The following NRG1 variants were observed in gnomAD, a reference collection of about 807,000 sequenced individuals.
The protein encoded by NRG1 is pro-neuregulin-1, membrane-bound isoform.
Under a neutral mutation model 63.8 loss-of-function variants are expected in NRG1, and 18 were observed. That is an observed-to-expected ratio of 0.28 (90% CI 0.19 to 0.42). The LOEUF (loss-of-function observed/expected upper bound fraction) is 0.42, where lower values mean the gene tolerates loss of function less well. NRG1 is among the 10% of genes least tolerant of loss of function. NRG1 has a pLI of 1.00. For missense variants in NRG1, 762 were observed against 814.7 expected, an observed-to-expected ratio of 0.94 and a Z score of 0.79; for synonymous variants, 302 against 301.3, an observed-to-expected ratio of 1.00 and a Z score of -0.02.
At chr8:32,520,640 G>A (rs1436927085) in intron 1 of NRG1, among the ~76,000 whole-genome samples, 5 of 152,202 alleles carry the variant, frequency 3.3e-5, no homozygotes, top group African/African-American at 1.2e-4. Context: ...AGTATATAGT[G>A]AAGTTTTCAG....
At chr8:31,992,738 A>G (rs1229370589) in intron 1 of NRG1, among the ~76,000 whole-genome samples, 1 of 152,022 alleles carries the variant, frequency 6.6e-6, no homozygotes, top group East Asian at 1.9e-4. Flanking sequence ...ATTGTGTAGG[A>G]CAGTATATTT....
intron 1 of NRG1, among the ~76,000 whole-genome samples, chr8:32,315,947 AGTGGAGT>A (rs1462029527): frequency 6.9e-6 from 1 of 144,228 alleles, no homozygotes; most frequent in African/African-American, 2.9e-5. Context: ...TTTGCTAGGC[AGTGGAGT>A]ACATAGAAAG....
At chr8:32,339,662 T>G (rs542487792) in intron 1 of NRG1, among the ~76,000 whole-genome samples, 1 of 152,290 alleles carries the variant, frequency 6.6e-6, no homozygotes, top group African/African-American at 2.4e-5. Context: ...TACAACCAAT[T>G]TATGAAATGG....
chr8:32,116,971 CAAAAAAAAAA>C (rs756283492), intron 1 of NRG1, among the ~76,000 whole-genome samples: 1 of 31,548 alleles, frequency 3.2e-5, no homozygotes, highest in African/African-American at 8.6e-5. Flanking sequence ...CCTGTCTCTA[CAAAAAAAAAA>C]AAAAAAAAAA....
At chr8:31,861,172 A>G (rs1417074168) in intron 1 of NRG1, among the ~76,000 whole-genome samples, 1 of 152,178 alleles carries the variant, frequency 6.6e-6, no homozygotes, top group Non-Finnish European at 1.5e-5. Flanking sequence ...TGCTACCGAA[A>G]AAACACTGAA....
At chr8:32,351,542 A>G (rs1289550313) in intron 1 of NRG1, among the ~76,000 whole-genome samples, 1 of 152,104 alleles carries the variant, frequency 6.6e-6, no homozygotes, top group Non-Finnish European at 1.5e-5. Context: ...CTTATAAGAT[A>G]ATAAAGAAGC....
At chr8:31,647,411 G>T (rs538904920) in intron 1 of NRG1, among the ~76,000 whole-genome samples, 2 of 152,118 alleles carry the variant, frequency 1.3e-5, no homozygotes, top group Non-Finnish European at 2.9e-5. Context: ...TTCCTCAGTC[G>T]GCCCTGGAGG....
At chr8:32,001,355 T>C (rs1427024169) in intron 1 of NRG1, among the ~76,000 whole-genome samples, 4 of 151,946 alleles carry the variant, frequency 2.6e-5, no homozygotes, top group African/African-American at 9.7e-5. Flanking sequence ...CTGCACATGC[T>C]CTCTTGCCTG....
At chr8:31,880,223 T>C (rs1830244689) in intron 1 of NRG1, among the ~76,000 whole-genome samples, 1 of 152,284 alleles carries the variant, frequency 6.6e-6, no homozygotes, top group Admixed American at 6.5e-5. Context: ...TAAATGTGTA[T>C]TGAAAATCTG....
chr8:32,209,708 C>T (rs1179127207), intron 1 of NRG1, among the ~76,000 whole-genome samples: 2 of 148,658 alleles, frequency 1.3e-5, no homozygotes, highest in Non-Finnish European at 3.0e-5. Context: ...TTCTTTCTCT[C>T]TTTCCCTTCC....
chr8:32,447,563 G>A (rs532920174), intron 1 of NRG1, among the ~76,000 whole-genome samples: 63 of 152,152 alleles, frequency 4.1e-4, no homozygotes, highest in African/African-American at 1.4e-3. Flanking sequence ...ATGTTTAATT[G>A]TTGCTTAAAG....
intron 1 of NRG1, among the ~76,000 whole-genome samples, chr8:32,112,836 C>T (rs1157501040): frequency 6.6e-6 from 1 of 152,124 alleles, no homozygotes; most frequent in African/African-American, 2.4e-5. Context: ...CTCAGACACA[C>T]CAGGCTGGTT....
chr8:32,070,330 C>T (rs1159518632), intron 1 of NRG1, among the ~76,000 whole-genome samples: 1 of 152,138 alleles, frequency 6.6e-6, no homozygotes, highest in African/African-American at 2.4e-5. Context: ...TCCATTTTCT[C>T]ATATATTAAA....
chr8:32,463,822 CA>C (rs1822642636), intron 1 of NRG1, among the ~76,000 whole-genome samples: 1 of 126,856 alleles, frequency 7.9e-6, no homozygotes, highest in Non-Finnish European at 1.6e-5. Context: ...GCCTGGGTAA[CA>C]AAGCAAAGCA....
intron 1 of NRG1, among the ~76,000 whole-genome samples, chr8:32,570,037 A>G (rs1838242138): frequency 6.6e-6 from 1 of 150,502 alleles, no homozygotes; most frequent in Non-Finnish European, 1.5e-5. Context: ...CCTCCTGAGT[A>G]GCTGGGATTA....
At chr8:32,450,953 G>C (rs1404264504) in intron 1 of NRG1, among the ~76,000 whole-genome samples, 9 of 152,224 alleles carry the variant, frequency 5.9e-5, no homozygotes, top group African/African-American at 2.2e-4. Flanking sequence ...AATTTGGAAA[G>C]TCTTCTCTAA....
chr8:32,300,311 C>T (rs114865689), intron 1 of NRG1, among the ~76,000 whole-genome samples: 2,250 of 152,216 alleles, frequency 0.015, 49 homozygotes, highest in African/African-American at 0.052. Context: ...GGAAATGATT[C>T]TCATAGAATT....
chr8:32,386,551 A>T (rs1216787581), intron 1 of NRG1, among the ~76,000 whole-genome samples: 1 of 152,208 alleles, frequency 6.6e-6, no homozygotes, highest in African/African-American at 2.4e-5. Flanking sequence ...ACGTGTCAGG[A>T]CCTGCTCTAG....
intron 1 of NRG1, among the ~76,000 whole-genome samples, chr8:32,121,245 CA>C (rs1161565745): frequency 2.6e-5 from 4 of 151,984 alleles, no homozygotes; most frequent in Non-Finnish European, 5.9e-5. Context: ...CCACTCCGTT[CA>C]GTGTGTATAT....
Sources: gnomAD v4.1 joint callset for allele counts (sites outside exome capture counted in the v4.1 genomes callset) on GRCh38, gnomAD v4.1.1 for gene constraint, MANE v1.5 for transcripts, NCBI Gene and HGNC (gene_info 2026-07-23, HGNC 2026-07-21) for gene names.